The following PDE4D variants were observed in gnomAD, a reference collection of about 807,000 sequenced individuals.
PDE4D encodes the protein phosphodiesterase 4D, also known as 3',5'-cyclic-AMP phosphodiesterase 4D.
In PDE4D, 24 loss-of-function variants were observed where a neutral mutation model predicts 87.4. The observed-to-expected ratio is 0.27, with a 90% CI of 0.20 to 0.39. The LOEUF (loss-of-function observed/expected upper bound fraction) is 0.39. Among genes scored for constraint, PDE4D ranks in the 10% least tolerant of loss-of-function variants. The pLI is 1.00. For missense variants in PDE4D, 714 were observed against 1,041.0 expected (o/e 0.69, Z 4.32); for synonymous variants, 384 against 383.2 (o/e 1.00, Z -0.02).
chr5:59,460,357 T>C (rs1800579900), intron 1 of PDE4D, among the ~76,000 whole-genome samples: 2 of 152,200 alleles, frequency 1.3e-5, no homozygotes, highest in African/African-American at 4.8e-5. Context: ...GTGGAAGACA[T>C]AGCAGGATAA....
intron 1 of PDE4D, among the ~76,000 whole-genome samples, chr5:59,656,762 T>G (rs539804062): frequency 6.6e-6 from 1 of 152,306 alleles, no homozygotes; most frequent in Admixed American, 6.5e-5. Context: ...TGGAATTGGG[T>G]GATTCTGCAG....
At chr5:59,287,757 A>ACAGC (rs2153553400) in intron 1 of PDE4D, among the ~76,000 whole-genome samples, 1 of 152,280 alleles carries the variant, frequency 6.6e-6, no homozygotes, top group South Asian at 2.1e-4. Flanking sequence ...AGACAGACAG[A>ACAGC]CTGAGACTGA....
intron 1 of PDE4D, among the ~76,000 whole-genome samples, chr5:59,464,552 C>A (rs145684593): frequency 0.019 from 2,823 of 152,282 alleles, 91 homozygotes; most frequent in African/African-American, 0.065. Flanking sequence ...ACACATCCCC[C>A]TCTCAGAGAA....
chr5:60,437,287 C>A (rs1044907958), intron 1 of PDE4D, among the ~76,000 whole-genome samples: 4 of 152,086 alleles, frequency 2.6e-5, no homozygotes, highest in Admixed American at 2.6e-4. Context: ...TTGTTTTGGG[C>A]AGGCTATTTG....
intron 1 of PDE4D, among the ~76,000 whole-genome samples, chr5:59,862,297 A>G (rs1055597117): frequency 6.6e-6 from 1 of 152,224 alleles, no homozygotes; most frequent in Non-Finnish European, 1.5e-5. Context: ...TATAATTTTT[A>G]TTCCAAAATA....
chr5:60,431,036 C>T (rs1744220205), intron 1 of PDE4D: 1 of 261,734 alleles, frequency 3.8e-6, no homozygotes, highest in South Asian at 3.1e-5. Context: ...TCATCATGGC[C>T]CGTTCTCAAT....
chr5:59,259,837 T>C (rs1456235410), intron 1 of PDE4D, among the ~76,000 whole-genome samples: 2 of 151,832 alleles, frequency 1.3e-5, no homozygotes, highest in Admixed American at 6.6e-5. Context: ...TATTTTCTAT[T>C]ACTCCTATTA....
At chr5:59,389,946 C>T (rs1787908855) in intron 1 of PDE4D, among the ~76,000 whole-genome samples, 1 of 152,062 alleles carries the variant, frequency 6.6e-6, no homozygotes, top group Non-Finnish European at 1.5e-5. Context: ...AGAAAGGTGA[C>T]TATAGCTAAC....
intron 6 of PDE4D, among the ~76,000 whole-genome samples, chr5:59,012,025 C>T (rs1752914462): frequency 6.6e-6 from 1 of 152,250 alleles, no homozygotes; most frequent in Admixed American, 6.5e-5. Flanking sequence ...AAAGAATTTT[C>T]AACTCAGAAT....
At chr5:60,330,624 C>A (rs993210173) in intron 1 of PDE4D, among the ~76,000 whole-genome samples, 12 of 152,130 alleles carry the variant, frequency 7.9e-5, no homozygotes, top group Admixed American at 4.6e-4. Flanking sequence ...AGGGACCCTG[C>A]CAATCAACTC....
chr5:60,429,458 T>C (rs1744003595), intron 1 of PDE4D, among the ~76,000 whole-genome samples: 1 of 152,190 alleles, frequency 6.6e-6, no homozygotes, highest in Admixed American at 6.5e-5. Flanking sequence ...GCCTCTTATT[T>C]CTTTCTCTTC....
At chr5:59,168,453 T>A (rs1458548349) in intron 5 of PDE4D, among the ~76,000 whole-genome samples, 1 of 152,212 alleles carries the variant, frequency 6.6e-6, no homozygotes, top group Non-Finnish European at 1.5e-5. Flanking sequence ...CAACGGGCAC[T>A]TCAGAAGAGT....
At chr5:59,327,713 T>A (rs1035311538) in intron 1 of PDE4D, among the ~76,000 whole-genome samples, 5 of 152,304 alleles carry the variant, frequency 3.3e-5, no homozygotes, top group Admixed American at 6.5e-5. Context: ...CTTCTCAATT[T>A]TCTTTCCAAA....
intron 1 of PDE4D, among the ~76,000 whole-genome samples, chr5:59,226,847 G>GA (rs1561757610): frequency 6.7e-6 from 1 of 149,022 alleles, no homozygotes; most frequent in South Asian, 2.1e-4. Context: ...ATGGGAAGCG[G>GA]AAAGTGTCTT....
At chr5:59,636,471 G>C (rs1832257705) in intron 1 of PDE4D, among the ~76,000 whole-genome samples, 1 of 152,026 alleles carries the variant, frequency 6.6e-6, no homozygotes. Flanking sequence ...AAAAAACAAA[G>C]CTGGAAGCAT....
chr5:60,428,292 G>T (rs1171606094), intron 1 of PDE4D, among the ~76,000 whole-genome samples: 2 of 151,272 alleles, frequency 1.3e-5, no homozygotes, highest in Admixed American at 6.6e-5. Context: ...AGATAAGGGG[G>T]TATAACTAAA....
At chr5:59,882,320 T>A (rs540022714) in intron 1 of PDE4D, among the ~76,000 whole-genome samples, 2 of 152,250 alleles carry the variant, frequency 1.3e-5, no homozygotes, top group East Asian at 3.9e-4. Context: ...TGGTCCTCAA[T>A]AAAACTGAAA....
chr5:60,135,612 C>A (rs1359373077), intron 2 of PDE4D, among the ~76,000 whole-genome samples: 1 of 151,986 alleles, frequency 6.6e-6, no homozygotes. Context: ...TTTTATCAGA[C>A]AGAGCAAATG....
chr5:59,420,180 C>T (rs141891009), intron 1 of PDE4D, among the ~76,000 whole-genome samples: 7 of 152,254 alleles, frequency 4.6e-5, no homozygotes, highest in African/African-American at 4.8e-5. Context: ...AGTCACAGTA[C>T]GTGTAAAATT....
Sources: gnomAD v4.1 joint callset for allele counts (sites outside exome capture counted in the v4.1 genomes callset) on GRCh38, gnomAD v4.1.1 for gene constraint, MANE v1.5 for transcripts, NCBI Gene and HGNC (gene_info 2026-07-23, HGNC 2026-07-21) for gene names.